The following INTS15 variants were observed in gnomAD, a reference collection of about 807,000 sequenced individuals.
The protein encoded by INTS15 is uncharacterized protein C7orf26.
the INTS15 span, among the ~76,000 whole-genome samples, chr7:6,604,462 A>T: frequency 1.3e-5 from 2 of 152,148 alleles, no homozygotes; most frequent in East Asian, 3.9e-4. Context: ...GGGTTTATAG[A>T]AATGACAAAG....
the INTS15 span, chr7:6,607,432 C>G: frequency 1.4e-5 from 9 of 664,888 alleles, no homozygotes; most frequent in African/African-American, 3.6e-4. The surrounding 1 kb of genome is among the most constrained non-coding windows in gnomAD (Gnocchi z 6.0). Context: ...GCTGAGGCTG[C>G]GCGGGGCGGG....
the INTS15 span, chr7:6,594,616 G>T: frequency 1.9e-6 from 3 of 1,610,370 alleles, no homozygotes; most frequent in Non-Finnish European, 1.7e-6. Context: ...CTTTAAACAG[G>T]TTATTTCTAT....
chr7:6,590,389 C>A, the INTS15 span: 4 of 1,607,058 alleles, frequency 2.5e-6, no homozygotes, highest in Non-Finnish European at 3.4e-6. Context: ...GCAGAGCGCG[C>A]CGCTGCCCAT....
At chr7:6,604,124 G>A in the INTS15 span, among the ~76,000 whole-genome samples, 1 of 152,166 alleles carries the variant, frequency 6.6e-6, no homozygotes, top group Non-Finnish European at 1.5e-5. Flanking sequence ...TGCAGAGGCT[G>A]GAGTGCAGTG....
At chr7:6,594,001 C>CTTTTTTTT in the INTS15 span, among the ~76,000 whole-genome samples, 5 of 68,946 alleles carry the variant, frequency 7.3e-5, no homozygotes, top group Admixed American at 2.1e-4. Flanking sequence ...AAGCCTTTAA[C>CTTTTTTTT]TTTTTTTTTT....
chr7:6,593,456 G>C, the INTS15 span, among the ~76,000 whole-genome samples: 3 of 149,814 alleles, frequency 2.0e-5, no homozygotes, highest in Admixed American at 6.7e-5. Flanking sequence ...TCAGCCTCTC[G>C]AGTAGCTGGG....
At chr7:6,608,344 TTGGATGG>T in the INTS15 span, 3 of 1,426,218 alleles carry the variant, frequency 2.1e-6, no homozygotes, top group Non-Finnish European at 2.7e-6. Context: ...GACATGCAGA[TTGGATGG>T]TGGAGGGAAG....
At chr7:6,604,276 T>C in the INTS15 span, among the ~76,000 whole-genome samples, 51 of 152,250 alleles carry the variant, frequency 3.3e-4, no homozygotes, top group African/African-American at 1.2e-3. Context: ...TTCATACCGA[T>C]GCAGTTACTA....
At chr7:6,593,391 C>T in the INTS15 span, among the ~76,000 whole-genome samples, 145 of 138,030 alleles carry the variant, frequency 1.1e-3, no homozygotes, top group Non-Finnish European at 1.8e-3. Flanking sequence ...AGTGCAGTGG[C>T]GCGATCTCGG....
chr7:6,590,363 A>C, the INTS15 span: 2 of 1,606,982 alleles, frequency 1.2e-6, no homozygotes, highest in Admixed American at 1.7e-5. Context: ...CTGGACATCT[A>C]CTTCAGCAGC....
chr7:6,594,682 T>C, the INTS15 span: 3 of 1,333,014 alleles, frequency 2.3e-6, no homozygotes, highest in East Asian at 2.3e-5. Context: ...CCAGGTGAAG[T>C]GTCCAGTGAA....
At chr7:6,593,185 T>C in the INTS15 span, among the ~76,000 whole-genome samples, 1 of 152,186 alleles carries the variant, frequency 6.6e-6, no homozygotes, top group African/African-American at 2.4e-5. Context: ...TTGCGGGTCC[T>C]GTAGTCTCTT....
At chr7:6,602,809 A>G in the INTS15 span, 4 of 467,316 alleles carry the variant, frequency 8.6e-6, no homozygotes, top group African/African-American at 2.0e-5. Flanking sequence ...TGCCACTTCC[A>G]AAAGTCCATA....
chr7:6,605,337 A>C, the INTS15 span, among the ~76,000 whole-genome samples: 1 of 152,108 alleles, frequency 6.6e-6, no homozygotes, highest in African/African-American at 2.4e-5. Context: ...ACAGCATCGA[A>C]GAACATTGTT....
At chr7:6,606,155 T>C in the INTS15 span, among the ~76,000 whole-genome samples, 2,554 of 152,330 alleles carry the variant, frequency 0.017, 71 homozygotes, top group African/African-American at 0.052. Context: ...ACCTCCTCCT[T>C]GGGTTCGTTA....
At chr7:6,608,037 T>C in the INTS15 span, 1 of 1,599,428 alleles carries the variant, frequency 6.3e-7, no homozygotes. Flanking sequence ...TACCCCCACA[T>C]CCACACGCCC....
the INTS15 span, chr7:6,600,375 CA>C: frequency 6.3e-6 from 10 of 1,599,216 alleles, no homozygotes; most frequent in African/African-American, 1.3e-4. Flanking sequence ...CTCCCTGGCC[CA>C]GGCCTCCTGG....
the INTS15 span, among the ~76,000 whole-genome samples, chr7:6,605,608 G>A: frequency 5.6e-3 from 860 of 152,264 alleles, 5 homozygotes; most frequent in African/African-American, 0.019. Flanking sequence ...CGCCTCTCCT[G>A]ACGCAGATTT....
the INTS15 span, among the ~76,000 whole-genome samples, chr7:6,593,632 T>G: frequency 1.4e-5 from 2 of 145,268 alleles, no homozygotes; most frequent in Non-Finnish European, 3.0e-5. Context: ...CCACACCCAG[T>G]CAGGTGGTGT....
Sources: gnomAD v4.1 joint callset for allele counts (sites outside exome capture counted in the v4.1 genomes callset) on GRCh38, gnomAD v4.1.1 for gene constraint, Gnocchi (gnomAD v3.1) non-coding constraint, MANE v1.5 for transcripts, NCBI Gene and HGNC (gene_info 2026-07-23, HGNC 2026-07-21) for gene names.